The following SRFBP1 variants were observed in gnomAD, a reference collection of about 807,000 sequenced individuals.
The protein encoded by SRFBP1 is serum response factor-binding protein 1.
A neutral mutation model predicts 45.5 loss-of-function variants in SRFBP1; 47 were observed. That is an observed-to-expected ratio of 1.03 (90% CI 0.82 to 1.32). The LOEUF (loss-of-function observed/expected upper bound fraction) is 1.32, where lower values mean the gene tolerates loss of function less well. Among genes scored for constraint, SRFBP1 ranks in the 40% most tolerant of loss-of-function variants. The probability of loss-of-function intolerance (pLI) is 0.00; values close to 1 mark genes in which losing one functional copy is unlikely to be tolerated. For missense variants in SRFBP1, 621 were observed against 484.6 expected (o/e 1.28, Z -2.64); for synonymous variants, 203 against 166.3 (o/e 1.22, Z -1.70).
intron 2 of SRFBP1, chr5:122,064,493 A>T (rs1399039575): frequency 1.3e-5 from 2 of 151,990 alleles, no homozygotes; most frequent in Non-Finnish European, 2.9e-5. Flanking sequence ...GTTATATTTA[A>T]AAGGCAGACA....
At chr5:121,990,084 A>G (rs1159220468) in intron 3 of SRFBP1, among the ~76,000 whole-genome samples, 1 of 152,204 alleles carries the variant, frequency 6.6e-6, no homozygotes, top group Non-Finnish European at 1.5e-5. Flanking sequence ...GTATATACCC[A>G]AAAAATTAAG....
intron 1 of SRFBP1, among the ~76,000 whole-genome samples, chr5:121,971,116 C>T (rs1752184050): frequency 6.6e-6 from 1 of 151,936 alleles, no homozygotes; most frequent in Admixed American, 6.6e-5. Context: ...TGTGATTCTT[C>T]TGAGAGCAAT....
At chr5:122,013,717 A>G (rs1383145150) in intron 4 of SRFBP1, among the ~76,000 whole-genome samples, 1 of 152,178 alleles carries the variant, frequency 6.6e-6, no homozygotes, top group Non-Finnish European at 1.5e-5. Flanking sequence ...TTAGTTCAGG[A>G]TTACAAAGAA....
downstream of SRFBP1, chr5:122,077,465 G>A: frequency 6.2e-7 from 1 of 1,614,094 alleles, no homozygotes; most frequent in South Asian, 1.1e-5. This position sits in a 1 kb window ranked among gnomAD's most constrained non-coding sequence, Gnocchi z 4.9. Flanking sequence ...GTACTTGTAG[G>A]GGTTGTAAGG....
intron 4 of SRFBP1, among the ~76,000 whole-genome samples, 198 bp downstream of exon 4, chr5:121,994,868 C>T (rs1242778278): frequency 3.9e-5 from 6 of 151,954 alleles, no homozygotes; most frequent in Admixed American, 2.6e-4. Flanking sequence ...ATCATACCTT[C>T]GAGGTCCTTA....
chr5:121,972,598 G>C (rs1461041483), intron 1 of SRFBP1, among the ~76,000 whole-genome samples: 1 of 151,856 alleles, frequency 6.6e-6, no homozygotes. Flanking sequence ...CCTCACCAGA[G>C]GGGCAGGAGT....
chr5:122,027,521 T>C lies in SRFBP1; in HGVS notation c.*395T>C, dbSNP rs1238014650. On this transcript the variant is annotated 3_prime_UTR_variant, in exon 8 of 8. Coordinates refer to ENST00000339397, the MANE Select transcript of SRFBP1 (RefSeq NM_152546.3). ...CCCTCAGACTGTTTCCCTTATGAAGTAATTTGGGGATTTTAGTGATCTCAT... is the reference window on the plus strand; with the variant it reads ...CCCTCAGACTGTTTCCCTTATGAAGCAATTTGGGGATTTTAGTGATCTCAT... 6.5e-6 allele frequency: 1 copy of C among 152,806 alleles called. No individual in the cohort carries two copies. Among genetic ancestry groups the C allele is most frequent in the Non-Finnish European group, 1.5e-5 (1 of 68,520 alleles). The allele number at this position is 152,806 out of a possible 1,614,324, so 9.5% of individuals were successfully genotyped here. A position where few individuals can be genotyped will look rare whatever the true frequency, so the allele number is the denominator to read the frequency against.
At chr5:121,989,615 A>G (rs992970294) in intron 3 of SRFBP1, among the ~76,000 whole-genome samples, 7 of 152,184 alleles carry the variant, frequency 4.6e-5, no homozygotes, top group African/African-American at 1.4e-4. Context: ...TAAAATGTCT[A>G]TTACTGGGTC....
At chr5:121,992,434 T>C (rs1272471965) in intron 3 of SRFBP1, among the ~76,000 whole-genome samples, 1 of 152,034 alleles carries the variant, frequency 6.6e-6, no homozygotes, top group Non-Finnish European at 1.5e-5. Context: ...TCTCCTTCTC[T>C]GACCTTTCTG....
intron 1 of SRFBP1, among the ~76,000 whole-genome samples, chr5:121,965,293 G>A (rs1349398847): frequency 1.3e-5 from 2 of 152,110 alleles, no homozygotes; most frequent in Non-Finnish European, 2.9e-5. Context: ...GTATTGCCTA[G>A]GTTTTCTTCT....
At chr5:122,077,310 G>A, downstream of SRFBP1, 1 of 1,611,898 alleles carries the variant, frequency 6.2e-7, no homozygotes, top group Non-Finnish European at 8.5e-7. This position sits in a 1 kb window ranked among gnomAD's most constrained non-coding sequence, Gnocchi z 4.9. Context: ...CACATAGCTG[G>A]GGACCAGGTG....
At chr5:122,009,793 A>T (rs538000456) in intron 4 of SRFBP1, among the ~76,000 whole-genome samples, 1 of 150,552 alleles carries the variant, frequency 6.6e-6, no homozygotes, top group African/African-American at 2.4e-5. Context: ...AATGGCAAGG[A>T]TAATTCCCAT....
rs80122256 is a variant in SRFBP1, at chr5:122,001,273, A to C, written c.270+6603A>C. ...TGTTAAGATCTCTCAAATTGTTGGAAATTTTGCTATAACAGATTGGTAGCT... is the reference window on the plus strand; with the variant it reads ...TGTTAAGATCTCTCAAATTGTTGGACATTTTGCTATAACAGATTGGTAGCT... On this transcript the variant is annotated intron_variant, in intron 4 of 7. Coordinates refer to ENST00000339397, the MANE Select transcript of SRFBP1 (RefSeq NM_152546.3). Among the ~76,000 whole-genome samples the C allele has an allele frequency of 5.0e-3, 759 of 151,566 alleles. 10 individuals carry two copies. Among genetic ancestry groups the C allele is most frequent in the African/African-American group, 0.017 (717 of 41,502 alleles).
chr5:121,962,847 C>A (rs145920140), intron 1 of SRFBP1, among the ~76,000 whole-genome samples: 1 of 152,294 alleles, frequency 6.6e-6, no homozygotes, highest in Non-Finnish European at 1.5e-5. Flanking sequence ...AAAGGAAATT[C>A]TTTATCCCGT....
At chr5:122,035,591 T>C (rs2112724757) in intron 2 of SRFBP1, among the ~76,000 whole-genome samples, 1 of 152,330 alleles carries the variant, frequency 6.6e-6, no homozygotes, top group Middle Eastern at 3.4e-3. Flanking sequence ...AGAAAATTTA[T>C]GATTTTGTAA....
intron 2 of SRFBP1, chr5:122,070,380 A>T: frequency 1.6e-6 from 1 of 642,490 alleles, no homozygotes. Flanking sequence ...GTTTATAAAT[A>T]GTTTGAGGAT....
intron 2 of SRFBP1, among the ~76,000 whole-genome samples, chr5:122,061,619 T>C (rs1754170016): frequency 6.6e-6 from 1 of 152,038 alleles, no homozygotes; most frequent in Non-Finnish European, 1.5e-5. Context: ...ACAAAATGAA[T>C]GAACCATGAA....
At chr5:122,000,089 A>G (rs2112682673) in intron 4 of SRFBP1, among the ~76,000 whole-genome samples, 1 of 152,054 alleles carries the variant, frequency 6.6e-6, no homozygotes, top group South Asian at 2.1e-4. Context: ...ACATGTACAT[A>G]TTTTATTATT....
At chr5:122,062,066 CAA>C (rs1561412709) in intron 2 of SRFBP1, among the ~76,000 whole-genome samples, 1 of 151,754 alleles carries the variant, frequency 6.6e-6, no homozygotes, top group Non-Finnish European at 1.5e-5. Flanking sequence ...CACTAGATAA[CAA>C]AGTGGTTTCT....
Sources: allele counts gnomAD v4.1 joint callset (sites outside exome capture counted in the v4.1 genomes callset), GRCh38; gene constraint gnomAD v4.1.1; non-coding constraint Gnocchi (gnomAD v3.1); transcripts MANE v1.5; gene names NCBI Gene and HGNC (gene_info 2026-07-23, HGNC 2026-07-21).